PARD3: variants seen among roughly 807,000 people sequenced by gnomAD.
PARD3 encodes the protein par-3 family cell polarity regulator.
Under a neutral mutation model 155.4 loss-of-function variants are expected in PARD3, and 75 were observed. The ratio of observed to expected loss-of-function variants is 0.48; its 90% CI spans 0.40 to 0.58. The LOEUF is 0.58. Ranked by LOEUF, PARD3 falls within the 20% of genes least tolerant of loss-of-function variation. PARD3 has a pLI of 0.00. For missense variants in PARD3, 1,642 were observed against 1,721.7 expected (o/e 0.95, Z 0.82); for synonymous variants, 576 against 610.5 (o/e 0.94, Z 0.83).
intron 2 of PARD3, among the ~76,000 whole-genome samples, chr10:34,610,291 C>T (rs925957103): frequency 2.6e-5 from 4 of 152,112 alleles, no homozygotes; most frequent in African/African-American, 9.7e-5. Context: ...TTGCTGAATG[C>T]TCTTGATTAG....
intron 16 of PARD3, among the ~76,000 whole-genome samples, chr10:34,340,082 C>A (rs1338556064): frequency 2.0e-5 from 3 of 151,982 alleles, no homozygotes; most frequent in Non-Finnish European, 4.4e-5. Context: ...TTTGGATAAC[C>A]CTTCATTCAT....
intron 15 of PARD3, among the ~76,000 whole-genome samples, chr10:34,342,527 C>T (rs1015337234): frequency 6.6e-6 from 1 of 152,134 alleles, no homozygotes; most frequent in African/African-American, 2.4e-5. Flanking sequence ...GCCCATGATG[C>T]AGTCAGGTGA....
At chr10:34,624,124 T>A (rs10082424) in intron 2 of PARD3, among the ~76,000 whole-genome samples, 4,322 of 152,330 alleles carry the variant, frequency 0.028, 204 homozygotes, top group African/African-American at 0.098. Flanking sequence ...TTTCCCATTA[T>A]CTGCCAAGGA....
intron 1 of PARD3, among the ~76,000 whole-genome samples, chr10:34,734,275 C>A (rs1168836082): frequency 6.7e-6 from 1 of 150,004 alleles, no homozygotes; most frequent in Non-Finnish European, 1.5e-5. Context: ...GAAAATCTGC[C>A]AAATTCCCAT....
At chr10:34,565,108 C>A (rs533904405) in intron 2 of PARD3, among the ~76,000 whole-genome samples, 12 of 150,126 alleles carry the variant, frequency 8.0e-5, no homozygotes, top group Middle Eastern at 3.2e-3. Flanking sequence ...TAACTTTAGA[C>A]CATCAGTGAT....
rs2090574494 is a variant in PARD3 at position 34,607,650 on chromosome 10, T to C, written c.222+88668A>G. Among the ~76,000 whole-genome samples, 7 of 152,362 alleles carry C rather than the reference T, an allele frequency of 4.6e-5. No individual in the cohort carries two copies. In the South Asian group the frequency reaches 1.2e-3, roughly 27 times the overall value. ...GGCAGGAAAAGGTAAGTCCATCCTT[T>C]GGCACCTATAAGATACTTCTGTTTG... On this transcript the variant is annotated intron_variant, in intron 2 of 24. Transcript: ENST00000374788.
At chr10:34,284,091 AG>A in intron 21 of PARD3, 43 bp downstream of exon 21, 1 of 1,049,750 alleles carries the variant, frequency 9.5e-7, no homozygotes, top group Non-Finnish European at 1.4e-6. Flanking sequence ...AAAAAAAAAA[AG>A]AACCTCTTTC....
At chr10:34,478,248 G>A (rs746586920) in intron 3 of PARD3, among the ~76,000 whole-genome samples, 1 of 152,142 alleles carries the variant, frequency 6.6e-6, no homozygotes, top group Non-Finnish European at 1.5e-5. Flanking sequence ...ACAGATAAGT[G>A]CAATGAGCAC....
intron 22 of PARD3, among the ~76,000 whole-genome samples, chr10:34,224,214 T>G (rs976933273): frequency 6.6e-6 from 1 of 152,210 alleles, no homozygotes; most frequent in African/African-American, 2.4e-5. Flanking sequence ...AAGACACAGT[T>G]AAGACGATCA....
At chr10:34,174,543 G>A (rs1949950841) in intron 22 of PARD3, among the ~76,000 whole-genome samples, 1 of 152,196 alleles carries the variant, frequency 6.6e-6, no homozygotes, top group South Asian at 2.1e-4. Context: ...AAACCCTGGT[G>A]CTTAGTGCAC....
rs2076527213 is a variant in PARD3 at position 34,442,689 on chromosome 10, C to T, written c.714+7628G>A. Among the ~76,000 whole-genome samples, 5 of 152,200 alleles carry T rather than the reference C, an allele frequency of 3.3e-5. No individual in the cohort carries two copies. In the South Asian group the frequency reaches 6.2e-4, roughly 19 times the overall value. ...TTTGAGACCAGTCTGGGAAACATAG[C>T]GGGACCCCACCTGTACAAAAAAATT... On this transcript the variant is annotated intron_variant, in intron 5 of 24. Coordinates refer to ENST00000374788, the MANE Select transcript of PARD3 (RefSeq NM_001184785.2).
intron 1 of PARD3, among the ~76,000 whole-genome samples, chr10:34,726,142 T>C (rs2094706130): frequency 6.6e-6 from 1 of 152,194 alleles, no homozygotes; most frequent in African/African-American, 2.4e-5. Flanking sequence ...TTAGAACAAA[T>C]CGAGTTCATG....
intron 1 of PARD3, among the ~76,000 whole-genome samples, chr10:34,805,292 G>A (rs1019599100): frequency 7.9e-5 from 12 of 152,146 alleles, no homozygotes; most frequent in Non-Finnish European, 2.9e-5. Context: ...AGGAGGCAGA[G>A]GTTGCAGTGA....
At chr10:34,336,800 G>A (rs563175527) in intron 17 of PARD3, among the ~76,000 whole-genome samples, 2 of 151,848 alleles carry the variant, frequency 1.3e-5, no homozygotes, top group Non-Finnish European at 2.9e-5. Context: ...AAATATGAAA[G>A]CTTCCAATAA....
intron 3 of PARD3, among the ~76,000 whole-genome samples, chr10:34,491,096 T>C (rs2079872371): frequency 6.6e-6 from 1 of 152,086 alleles, no homozygotes; most frequent in Non-Finnish European, 1.5e-5. Flanking sequence ...TTCCATCAAG[T>C]CCCCAGACGA....
intron 22 of PARD3, among the ~76,000 whole-genome samples, chr10:34,242,686 C>T (rs1953683211): frequency 6.6e-6 from 1 of 152,160 alleles, no homozygotes. Flanking sequence ...ATAATTTAAA[C>T]ACTTTGAAAG....
chr10:34,355,011 G>C (rs1340517462), intron 14 of PARD3, among the ~76,000 whole-genome samples: 3 of 152,196 alleles, frequency 2.0e-5, no homozygotes, highest in Non-Finnish European at 4.4e-5. Context: ...TCAGGCAGTG[G>C]GAGAGGGGAA....
rs59111790 is a variant in PARD3, at chr10:34,595,758, T to TA, written c.223-78600dup. On this transcript the variant is annotated intron_variant, in intron 2 of 24. Transcript: ENST00000374788. ...AATATAAGGAATTCATTATTTAGGT[T>TA]AAAAAAAAACACTCTGTCACAGTTT... Among the ~76,000 whole-genome samples the TA allele has an allele frequency of 4.8e-4, 72 of 151,348 alleles. 1 individual carries two copies. Among genetic ancestry groups the TA allele is most frequent in the South Asian group, 4.0e-3 (19 of 4,784 alleles).
intron 2 of PARD3, among the ~76,000 whole-genome samples, chr10:34,665,374 G>C (rs1361491116): frequency 6.7e-6 from 1 of 149,704 alleles, no homozygotes; most frequent in Non-Finnish European, 1.5e-5. Flanking sequence ...AAAAAAAATA[G>C]CCAGGCGTGG....
Sources: allele counts gnomAD v4.1 joint callset (sites outside exome capture counted in the v4.1 genomes callset), GRCh38; gene constraint gnomAD v4.1.1; transcripts MANE v1.5; gene names NCBI Gene and HGNC (gene_info 2026-07-23, HGNC 2026-07-21).